Variants in MYBPC3 observed in about 807,000 individuals in gnomAD.
The protein encoded by MYBPC3 is myosin-binding protein C, cardiac-type.
In MYBPC3, 108 loss-of-function variants were observed where a neutral mutation model predicts 159.3. The observed-to-expected ratio is 0.68, with a 90% CI of 0.58 to 0.80. The LOEUF is 0.80. Ranked by LOEUF, MYBPC3 falls within the 30% of genes least tolerant of loss-of-function variation. MYBPC3 has a pLI of 0.00. For synonymous variants in MYBPC3, 730 were observed against 702.0 expected (o/e 1.04, Z -0.63); for missense variants, 1,631 against 1,762.1 (o/e 0.93, Z 1.33).
Position 47,337,631 on chromosome 11 carries a change from C to T in MYBPC3, c.2414-52G>A, listed in dbSNP as rs956980409. 8.1e-6 allele frequency: 13 copies of T among 1,611,500 alleles called. No individual in the cohort carries two copies. The East Asian group carries it at 2.2e-4, about 28-fold the overall frequency. ...GTCTGGAACCCAGGCATCCCCACAC[C>T]ACCTTCCCTCGGATCTGTTTGGCGC... On this transcript the variant is annotated intron_variant, in intron 24 of 34. Coordinates refer to ENST00000545968, the MANE Select transcript of MYBPC3 (RefSeq NM_000256.3).
chr11:47,342,507 C>T, intron 17 of MYBPC3, 71 bp downstream of exon 17: 1 of 1,447,204 alleles, frequency 6.9e-7, no homozygotes, highest in South Asian at 1.5e-5. Context: ...TGCTCCCCTA[C>T]AGGGCTAGGT....
intron 23 of MYBPC3, 64 bp from the exon 24 acceptor site, chr11:47,337,858 C>G (rs903625187): frequency 7.1e-7 from 1 of 1,418,420 alleles, no homozygotes; most frequent in Non-Finnish European, 9.6e-7. Flanking sequence ...TAACGTTGCT[C>G]GTCCCCTTCC....
chr11:47,348,779 C>T (rs2095897181), intron 5 of MYBPC3, among the ~76,000 whole-genome samples: 1 of 150,898 alleles, frequency 6.6e-6, no homozygotes, highest in South Asian at 2.1e-4. Context: ...GTGGTGCACA[C>T]CTCTAGTTTC....
Position 47,341,011 on chromosome 11 carries a change from G to A in MYBPC3, c.1919C>T (p.Pro640Leu), listed in dbSNP as rs755244836. ...GGGGCCCCAAGACTTACCCTGCCTGGGTACGAAGTCAATCTTGACCTCTGC... is the reference window on the plus strand; with the variant it reads ...GGGGCCCCAAGACTTACCCTGCCTGAGTACGAAGTCAATCTTGACCTCTGC... ...HFMEVKIDFV[P>L]RQEPPKIHLD... The change falls in exon 20 of 35, where the codon CCC (proline) becomes CTC (leucine). Residue 640 changes from proline (P) to leucine (L), a missense_variant. By Grantham distance (98) the Pro-to-Leu change is moderately conservative. Coordinates refer to ENST00000545968, the MANE Select transcript of MYBPC3 (RefSeq NM_000256.3). 2 of 1,568,616 alleles carry A rather than the reference G, an allele frequency of 1.3e-6. No homozygotes were observed. Among genetic ancestry groups the A allele is most frequent in the Non-Finnish European group, 1.7e-6 (2 of 1,157,818 alleles).
chr11:47,340,294 C>G (rs931957254), intron 20 of MYBPC3, among the ~76,000 whole-genome samples: 1 of 152,044 alleles, frequency 6.6e-6, no homozygotes, highest in African/African-American at 2.4e-5. Context: ...CACACACGCG[C>G]GCACACATGC....
Position 47,342,725 on chromosome 11 carries a change from G to C in MYBPC3, c.1477C>G (p.Leu493Val). 1 of 1,614,014 alleles carries C rather than the reference G, an allele frequency of 6.2e-7. No homozygotes were observed. Among genetic ancestry groups the C allele is most frequent in the Non-Finnish European group, 8.5e-7 (1 of 1,179,884 alleles). ...TATTTGAAGGTCTCCTCCCGGGTCAGCTCCACCCCGTCCTTCAGCCTAGCC... is the reference window on the plus strand; with the variant it reads ...TATTTGAAGGTCTCCTCCCGGGTCACCTCCACCCCGTCCTTCAGCCTAGCC... ...QVKWLKDGVE[L>V]TREETFKYRF... The change falls in exon 17 of 35, where the codon CTG becomes GTG. Residue 493 changes from leucine (L) to valine (V), a missense_variant. Leu to Val is a conservative substitution (Grantham distance 32). Coordinates refer to ENST00000545968, the MANE Select transcript of MYBPC3 (RefSeq NM_000256.3).
chr11:47,351,302 C>CCTGGTCGCAGAT lies in MYBPC3; in HGVS notation c.228_229insATCTGCGACCAG (p.Gln76_Gly77insIleCysAspGln). On this transcript the variant is annotated inframe_insertion, in exon 2 of 35. Transcript: ENST00000545968. The surrounding 1 kb of genome is among the most constrained non-coding windows in gnomAD (Gnocchi z 4.2). ...GAGCCAGCAATGACTGCGTAAGATCCCTGGTCGGCAGGGCCCACTTCCCGC... is the reference window on the plus strand; with the variant it reads ...GAGCCAGCAATGACTGCGTAAGATCCCTGGTCGCAGATCTGGTCGGCAGGGCCCACTTCCCGC... 1 of 1,575,686 alleles carries CCTGGTCGCAGAT rather than the reference C, an allele frequency of 6.3e-7. No individual in the cohort carries two copies. Among genetic ancestry groups the CCTGGTCGCAGAT allele is most frequent in the Non-Finnish European group, 8.6e-7 (1 of 1,160,052 alleles).
Position 47,347,065 on chromosome 11 carries a change from C to T in MYBPC3, c.906-36G>A, listed in dbSNP as rs864622197. ...GCAGCAGCAGCCATAATGGAGGGGCCGGGGGAGAGGGAGAGAGAGGGCAGA... is the reference window on the plus strand; with the variant it reads ...GCAGCAGCAGCCATAATGGAGGGGCTGGGGGAGAGGGAGAGAGAGGGCAGA... On this transcript the variant is annotated intron_variant, in intron 9 of 34. Coordinates refer to ENST00000545968, the MANE Select transcript of MYBPC3 (RefSeq NM_000256.3). The T allele has an allele frequency of 1.2e-6, 1 of 867,384 alleles. No homozygotes were observed. Among genetic ancestry groups the T allele is most frequent in the Non-Finnish European group, 2.0e-6 (1 of 511,968 alleles). 53.7% of individuals were successfully genotyped at this position (867,384 alleles called of 1,614,324 possible).
chr11:47,336,067 C>A, intron 25 of MYBPC3, 56 bp from the exon 26 acceptor site: 2 of 1,379,594 alleles, frequency 1.4e-6, no homozygotes, highest in Admixed American at 3.0e-5. Context: ...AGCTGGAGAT[C>A]CATGCCCTAG....
intron 6 of MYBPC3, 104 bp downstream of exon 6, chr11:47,348,320 T>A (rs1441703468): frequency 1.2e-6 from 1 of 862,008 alleles, no homozygotes; most frequent in African/African-American, 1.7e-5. Context: ...CCAGCACTCA[T>A]GTCTGGATGG....
In MYBPC3 at chr11:47,341,201, C is replaced by CAAT; in HGVS notation, c.1833_1834insATT (p.Glu611_Ala612insIle). 6.3e-7 allele frequency: 1 copy of CAAT among 1,592,070 alleles called. No individual in the cohort carries two copies. Among genetic ancestry groups the CAAT allele is most frequent in the South Asian group, 1.1e-5 (1 of 87,214 alleles). Reference sequence around the variant, plus strand: ...CCCTCGGGCACAAAGCTGTAGTCAGCCTCGTCGGCAGGTGTGACGTCGTCA... The same window carrying CAAT: ...CCCTCGGGCACAAAGCTGTAGTCAGCAATCTCGTCGGCAGGTGTGACGTCGTCA... On this transcript the variant is annotated inframe_insertion, in exon 19 of 35. Transcript: ENST00000545968.
Position 47,338,006 on chromosome 11 carries a change from G to T in MYBPC3, c.2309-212C>A, listed in dbSNP as rs2095884280. 6.7e-6 allele frequency among the ~76,000 whole-genome samples: 1 copy of T among 148,178 alleles called. No individual in the cohort carries two copies. The highest frequency in any genetic ancestry group is 1.5e-5 in the Non-Finnish European group (1 of 67,262). On this transcript the variant is annotated intron_variant, in intron 23 of 34. Coordinates refer to ENST00000545968, the MANE Select transcript of MYBPC3 (RefSeq NM_000256.3). The surrounding 1 kb of genome is among the most constrained non-coding windows in gnomAD (Gnocchi z 4.7). ...GAGTCTCACTGTGTTGTCCAGGCTG[G>T]GTCTCAACAGGATGCATTTCTGATC...
rs727504235 is a variant in MYBPC3 at position 47,333,742 on chromosome 11, C to T, written c.3005G>A (p.Arg1002Gln). Residue 1002 changes from arginine (R) to glutamine (Q), a missense_variant, in exon 29 of 35, where the codon CGG becomes CAG. Arg to Gln is a conservative substitution (Grantham distance 43). Coordinates refer to ENST00000545968, the MANE Select transcript of MYBPC3 (RefSeq NM_000256.3). The stretch of plus-strand genomic sequence containing the variant: ...CTCTTTGGTCCAGGTCACCTGAGGC[C>T]GGGGCTTGCCCTGAGGGGAGGAAAA... ...NLLIPFQGKP[R>Q]PQVTWTKEGQ... 129 of 1,599,466 alleles carry T rather than the reference C, an allele frequency of 8.1e-5. No individual in the cohort carries two copies. Among genetic ancestry groups the T allele is most frequent in the Non-Finnish European group, 9.9e-5 (116 of 1,173,620 alleles).
At chr11:47,342,960 G>T (rs1469326786) in intron 15 of MYBPC3, 25 bp from the exon 16 acceptor site, 1 of 1,611,586 alleles carries the variant, frequency 6.2e-7, no homozygotes, top group Non-Finnish European at 8.5e-7. Context: ...TGAGCATGAG[G>T]GTTGGCTCCC....
At chr11:47,342,208 T>C (rs2095889422) in intron 17 of MYBPC3, 52 bp from the exon 18 acceptor site, 2 of 1,590,836 alleles carry the variant, frequency 1.3e-6, no homozygotes, top group South Asian at 1.1e-5. Context: ...GGGTGTGGCG[T>C]GAATCCCTGT....
chr11:47,351,241 G>T lies in MYBPC3; in HGVS notation c.290C>A (p.Ala97Glu). ...KVKFDLKVIE[A>E]EKAEPMLAPA... is the part of the protein sequence containing the mutation. ...GGGAAGGCTGATCAGGATCTTACCTGCCTCTATGACCTTGAGGTCGAACTT... is the reference window on the plus strand; with the variant it reads ...GGGAAGGCTGATCAGGATCTTACCTTCCTCTATGACCTTGAGGTCGAACTT... Residue 97 changes from alanine (A) to glutamate (E), a missense_variant and splice_region_variant, in exon 2 of 35, where the codon GCA (alanine) becomes GAA (glutamate). By Grantham distance (107) the Ala-to-Glu change is moderately radical. Transcript: ENST00000545968. This position sits in a 1 kb window ranked among gnomAD's most constrained non-coding sequence, Gnocchi z 4.2. The T allele has an allele frequency of 6.5e-7, 1 of 1,532,092 alleles. No individual in the cohort carries two copies. Among genetic ancestry groups the T allele is most frequent in the East Asian group, 2.5e-5 (1 of 40,796 alleles). The allele number at this position is 1,532,092 out of a possible 1,614,324, so 94.9% of individuals were successfully genotyped here. A position where few individuals can be genotyped will look rare whatever the true frequency, so the allele number is the denominator to read the frequency against.
intron 20 of MYBPC3, 74 bp from the exon 21 acceptor site, chr11:47,339,864 C>G: frequency 6.6e-7 from 1 of 1,518,910 alleles, no homozygotes; most frequent in Non-Finnish European, 9.0e-7. Flanking sequence ...CGGGGCTGCT[C>G]AAGAGCCTGG....
Position 47,336,001 on chromosome 11 carries a change from G to T in MYBPC3, c.2613C>A (p.Ser871Arg). The T allele has an allele frequency of 6.6e-7, 1 of 1,524,578 alleles. No individual in the cohort carries two copies. Among genetic ancestry groups the T allele is most frequent in the South Asian group, 1.3e-5 (1 of 76,672 alleles). 94.4% of individuals were successfully genotyped at this position (1,524,578 alleles called of 1,614,324 possible). The stretch of plus-strand genomic sequence containing the variant: ...CCTCTACTGCCAGGTGGGTGGGTTC[G>T]CTGGGGGGACCTGGGCAGAGGAGAG... Reference protein sequence around the residue: ...SQPFMPIGPPSEPTHLAVEDV... With the variant: ...SQPFMPIGPPREPTHLAVEDV... The change falls in exon 26 of 35, where the codon AGC becomes AGA. Residue 871 changes from serine to arginine, a missense_variant. Physicochemically the swap from Ser to Arg is moderately radical, Grantham distance 110. Coordinates refer to ENST00000545968, the MANE Select transcript of MYBPC3 (RefSeq NM_000256.3).
rs730880545 is a variant in MYBPC3, at chr11:47,342,656, C to A, written c.1546G>T (p.Glu516Ter). Residue 516 changes from glutamate to a stop codon, truncating the protein, a stop_gained, in exon 17 of 35, where the codon GAG becomes TAG. Coordinates refer to ENST00000545968, the MANE Select transcript of MYBPC3 (RefSeq NM_000256.3). LOFTEE classifies it high-confidence loss of function. ...DGQRHHLIIN[E>*]AMLEDAGHYA... ...TGCCCCGCGTCCTCCAGCATGGCCT[C>A]GTTGATGATCAGGTGGTGTCTCTGC... 1 of 1,614,010 alleles carries A rather than the reference C, an allele frequency of 6.2e-7. No individual in the cohort carries two copies. Among genetic ancestry groups the A allele is most frequent in the Non-Finnish European group, 8.5e-7 (1 of 1,179,886 alleles).
Sources: allele counts gnomAD v4.1 joint callset (sites outside exome capture counted in the v4.1 genomes callset), GRCh38; gene constraint gnomAD v4.1.1; non-coding constraint Gnocchi (gnomAD v3.1); transcripts MANE v1.5; gene names NCBI Gene and HGNC (gene_info 2026-07-23, HGNC 2026-07-21).